Variants in CACNA1E observed in about 807,000 individuals in gnomAD.
CACNA1E encodes voltage-dependent R-type calcium channel subunit alpha-1E.
CACNA1E carries 40 observed loss-of-function variants against 259.2 expected under a neutral mutation model. The observed-to-expected ratio is 0.15, with a 90% CI of 0.12 to 0.20. The LOEUF is 0.20. CACNA1E is among the 10% of genes least tolerant of loss of function. The pLI is 1.00. For synonymous variants in CACNA1E, 1,104 were observed against 1,138.5 expected (o/e 0.97, Z 0.61); for missense variants, 1,874 against 3,040.1 (o/e 0.62, Z 9.02).
At chr1:181,437,436 A>G (rs977954715) in intron 2 of CACNA1E, among the ~76,000 whole-genome samples, 1 of 152,104 alleles carries the variant, frequency 6.6e-6, no homozygotes, top group Admixed American at 6.6e-5. Flanking sequence ...GCTCTCCTGT[A>G]TAGCAAAACT....
intron 7 of CACNA1E, among the ~76,000 whole-genome samples, chr1:181,688,605 TA>T (rs1233183770): frequency 4.6e-5 from 7 of 152,254 alleles, no homozygotes; most frequent in African/African-American, 1.7e-4. Flanking sequence ...GTGAAATGTT[TA>T]AATCAAGCTA....
chr1:181,576,084 C>T (rs1650945891), intron 3 of CACNA1E, among the ~76,000 whole-genome samples: 1 of 152,130 alleles, frequency 6.6e-6, no homozygotes. Flanking sequence ...GCCCCAAGTC[C>T]CCCCGTTTCT....
chr1:181,563,934 A>C (rs571191428), intron 3 of CACNA1E, among the ~76,000 whole-genome samples: 1 of 152,262 alleles, frequency 6.6e-6, no homozygotes, highest in South Asian at 2.1e-4. Context: ...GTAGTCTATT[A>C]AGTGTGCAGT....
intron 1 of CACNA1E, among the ~76,000 whole-genome samples, chr1:181,330,419 T>A (rs1185440716): frequency 6.6e-6 from 1 of 152,058 alleles, no homozygotes; most frequent in Non-Finnish European, 1.5e-5. Flanking sequence ...GGGGTCTTGG[T>A]GATGCTGGCT....
intron 1 of CACNA1E, among the ~76,000 whole-genome samples, chr1:181,409,709 T>G (rs1177312166): frequency 1.3e-5 from 2 of 152,152 alleles, no homozygotes; most frequent in African/African-American, 2.4e-5. Flanking sequence ...TGGGGACTGA[T>G]CGGCTTGGCA....
At chr1:181,436,843 G>A (rs116517379) in intron 2 of CACNA1E, among the ~76,000 whole-genome samples, 122 of 152,230 alleles carry the variant, frequency 8.0e-4, no homozygotes, top group Non-Finnish European at 1.2e-3. Context: ...TCAAAATTGC[G>A]AAAACAGTAG....
At chr1:181,552,689 C>T (rs1466290527) in intron 3 of CACNA1E, among the ~76,000 whole-genome samples, 5 of 152,130 alleles carry the variant, frequency 3.3e-5, no homozygotes, top group African/African-American at 9.7e-5. Flanking sequence ...ATGTGCAGAA[C>T]GTGCAGGTTT....
intron 3 of CACNA1E, among the ~76,000 whole-genome samples, chr1:181,534,174 A>G (rs1418810004): frequency 6.6e-6 from 1 of 152,108 alleles, no homozygotes; most frequent in South Asian, 2.1e-4. Context: ...TTATAATGTT[A>G]TGGTGAATAC....
chr1:181,759,377 G>C (rs766990514), intron 32 of CACNA1E, among the ~76,000 whole-genome samples: 1 of 148,818 alleles, frequency 6.7e-6, no homozygotes, highest in Admixed American at 6.8e-5. Context: ...AAAGGCTAAT[G>C]ACCTTTAAGG....
intron 6 of CACNA1E, among the ~76,000 whole-genome samples, chr1:181,610,754 A>T (rs569637722): frequency 1.3e-5 from 2 of 152,314 alleles, no homozygotes; most frequent in South Asian, 4.1e-4. Flanking sequence ...GGTGGTTCCA[A>T]TGAGGACTTT....
intron 3 of CACNA1E, among the ~76,000 whole-genome samples, chr1:181,519,752 G>C (rs1177323190): frequency 6.6e-6 from 1 of 152,082 alleles, no homozygotes; most frequent in Non-Finnish European, 1.5e-5. Context: ...GCTGCTTCTT[G>C]GTTGTATTTA....
At chr1:181,531,311 C>G (rs1667763595) in intron 3 of CACNA1E, among the ~76,000 whole-genome samples, 1 of 152,180 alleles carries the variant, frequency 6.6e-6, no homozygotes. Flanking sequence ...GGGGATAGCC[C>G]CCTTCCTCTG....
intron 1 of CACNA1E, among the ~76,000 whole-genome samples, chr1:181,504,478 G>A (rs984299778): frequency 1.3e-5 from 2 of 152,198 alleles, no homozygotes; most frequent in African/African-American, 4.8e-5. Flanking sequence ...TGAGCCCCCT[G>A]GTGGTGATAG....
intron 2 of CACNA1E, among the ~76,000 whole-genome samples, chr1:181,428,473 G>T (rs115579676): frequency 4.6e-5 from 7 of 152,124 alleles, no homozygotes; most frequent in African/African-American, 1.7e-4. Flanking sequence ...GTGGAGGGGC[G>T]CTTGCAAGAG....
At chr1:181,381,452 A>G (rs542146420) in intron 1 of CACNA1E, among the ~76,000 whole-genome samples, 21 of 152,348 alleles carry the variant, frequency 1.4e-4, no homozygotes, top group African/African-American at 5.0e-4. Flanking sequence ...GGAAATTCAC[A>G]TTAATATATA....
intron 1 of CACNA1E, among the ~76,000 whole-genome samples, chr1:181,329,277 C>A (rs569790001): frequency 6.6e-6 from 1 of 152,310 alleles, no homozygotes; most frequent in East Asian, 1.9e-4. Flanking sequence ...CCTTGGACAA[C>A]CACAACAGCC....
intron 7 of CACNA1E, among the ~76,000 whole-genome samples, chr1:181,661,947 A>G (rs550401709): frequency 6.6e-6 from 1 of 152,344 alleles, no homozygotes; most frequent in African/African-American, 2.4e-5. Flanking sequence ...ATTATCTGTC[A>G]TCTAGTACAG....
In CACNA1E at chr1:181,796,805, C is replaced by T. The variant is rs765523959; in HGVS notation, c.6346C>T (p.Arg2116Cys). ...CCAGGCTGACTGGGAGTCCCCAGAG[C>T]GCCGTCAATCCAGGTCACCCAGTGA... is the stretch of plus-strand genomic sequence containing the variant. ...GTQADWESPE[R>C]RQSRSPSEGR... The change falls in exon 47 of 48, where the codon CGC becomes TGC. Residue 2116 changes from arginine (R) to cysteine (C), a missense_variant. Physicochemically the swap from Arg to Cys is radical, Grantham distance 180. Coordinates refer to ENST00000367573, the MANE Select transcript of CACNA1E (RefSeq NM_001205293.3). 1.1e-5 allele frequency: 17 copies of T among 1,610,130 alleles called. No homozygotes were observed. The highest frequency in any genetic ancestry group is 6.7e-5 in the Admixed American group (4 of 59,488).
At chr1:181,479,444 A>G (rs663935), upstream of CACNA1E, among the ~76,000 whole-genome samples, 150,271 of 152,338 alleles carry the variant, frequency 0.99, 74,127 homozygotes, top group Middle Eastern at 1. Context: ...ACTAATTGCT[A>G]ATTTTCCACA....
Sources: allele counts gnomAD v4.1 joint callset (sites outside exome capture counted in the v4.1 genomes callset), GRCh38; gene constraint gnomAD v4.1.1; transcripts MANE v1.5; gene names NCBI Gene and HGNC (gene_info 2026-07-23, HGNC 2026-07-21).